NKAIN2: variants seen among roughly 807,000 people sequenced by gnomAD.
The protein encoded by NKAIN2 is sodium/potassium transporting ATPase interacting 2.
In NKAIN2, 14 loss-of-function variants were observed where a neutral mutation model predicts 32.6. The ratio of observed to expected loss-of-function variants is 0.43; its 90% CI spans 0.28 to 0.67. NKAIN2 has a LOEUF of 0.67. Ranked by LOEUF, NKAIN2 falls within the 30% of genes least tolerant of loss-of-function variation. NKAIN2 has a pLI of 0.17. For missense variants in NKAIN2, 198 were observed against 258.3 expected, an observed-to-expected ratio of 0.77 and a Z score of 1.60; for synonymous variants, 80 against 87.2, an observed-to-expected ratio of 0.92 and a Z score of 0.46.
At chr6:124,547,525 T>C (rs960132828) in intron 3 of NKAIN2, among the ~76,000 whole-genome samples, 1 of 152,166 alleles carries the variant, frequency 6.6e-6, no homozygotes, top group Non-Finnish European at 1.5e-5. Context: ...TACAAAACAA[T>C]TATCCTTTAC....
Position 124,332,230 on chromosome 6 carries a change from C to T in NKAIN2, c.193-23037C>T, listed in dbSNP as rs1014698471. Among the ~76,000 whole-genome samples, 235 of 149,750 alleles carry T rather than the reference C, an allele frequency of 1.6e-3. 2 individuals are homozygous for T. Among genetic ancestry groups the T allele is most frequent in the Non-Finnish European group, 1.9e-3 (127 of 67,414 alleles). On this transcript the variant is annotated intron_variant, in intron 2 of 6. Transcript: ENST00000368417. ...ATATATATGTGTGTGTGTGTATATACACACACACACACACACAGAGAGAGA... is the reference window on the plus strand; with the variant it reads ...ATATATATGTGTGTGTGTGTATATATACACACACACACACACAGAGAGAGA...
chr6:124,034,871 G>T (rs934676117), intron 1 of NKAIN2, among the ~76,000 whole-genome samples: 1 of 151,970 alleles, frequency 6.6e-6, no homozygotes, highest in Non-Finnish European at 1.5e-5. Flanking sequence ...CTGAAGATTA[G>T]TGATGTTGAG....
intron 3 of NKAIN2, among the ~76,000 whole-genome samples, chr6:124,546,528 ATAT>A (rs1454360558): frequency 6.6e-6 from 1 of 151,750 alleles, no homozygotes; most frequent in Non-Finnish European, 1.5e-5. Context: ...ATAAGATATA[ATAT>A]TATCTATTAA....
chr6:124,768,393 C>CTGT (rs1205987497), intron 4 of NKAIN2, among the ~76,000 whole-genome samples: 1 of 152,168 alleles, frequency 6.6e-6, no homozygotes, highest in African/African-American at 2.4e-5. Flanking sequence ...GAACAGCCAT[C>CTGT]TCAGCTAAGT....
chr6:123,966,622 A>C (rs116114685), intron 1 of NKAIN2, among the ~76,000 whole-genome samples: 116 of 152,326 alleles, frequency 7.6e-4, no homozygotes, highest in African/African-American at 2.7e-3. Flanking sequence ...TTTTGTTAAG[A>C]AGTGGTAGGA....
chr6:124,189,706 G>A (rs1279434711), intron 1 of NKAIN2, among the ~76,000 whole-genome samples: 3 of 152,006 alleles, frequency 2.0e-5, no homozygotes, highest in African/African-American at 7.2e-5. Flanking sequence ...AAAATAAAAA[G>A]CAAAACACTT....
At chr6:124,680,945 TA>T (rs1311172286) in intron 4 of NKAIN2, among the ~76,000 whole-genome samples, 1 of 151,964 alleles carries the variant, frequency 6.6e-6, no homozygotes, top group South Asian at 2.1e-4. Flanking sequence ...AATATATAAA[TA>T]AAAAATAATC....
intron 3 of NKAIN2, among the ~76,000 whole-genome samples, chr6:124,503,078 A>G (rs148880060): frequency 6.6e-6 from 1 of 152,260 alleles, no homozygotes; most frequent in East Asian, 1.9e-4. Context: ...TTTGTATCCA[A>G]GAAAATAGTA....
intron 1 of NKAIN2, among the ~76,000 whole-genome samples, chr6:123,972,883 T>C (rs1401886377): frequency 6.6e-6 from 1 of 152,150 alleles, no homozygotes; most frequent in Non-Finnish European, 1.5e-5. Flanking sequence ...TGCTGGAATA[T>C]ACATACTGTG....
At chr6:124,692,565 G>T (rs532359514) in intron 4 of NKAIN2, among the ~76,000 whole-genome samples, 1 of 151,932 alleles carries the variant, frequency 6.6e-6, no homozygotes, top group Non-Finnish European at 1.5e-5. Flanking sequence ...ACCTGTAATC[G>T]CAGCACTTTG....
chr6:124,369,361 T>C (rs1268864602), intron 3 of NKAIN2, among the ~76,000 whole-genome samples: 1 of 152,196 alleles, frequency 6.6e-6, no homozygotes, highest in Non-Finnish European at 1.5e-5. Context: ...TGGACACCAC[T>C]GTAATTTTCT....
chr6:123,931,020 C>G (rs235699), intron 1 of NKAIN2, among the ~76,000 whole-genome samples: 113,923 of 151,912 alleles, frequency 0.75, 43,523 homozygotes, highest in East Asian at 0.91. Flanking sequence ...GCGATGAAGG[C>G]GGGGCAGGTG....
At chr6:124,707,095 G>GT in intron 4 of NKAIN2, among the ~76,000 whole-genome samples, 1 of 150,232 alleles carries the variant, frequency 6.7e-6, no homozygotes, top group South Asian at 2.1e-4. Context: ...GCGGTGTTTG[G>GT]TTTTTTGTTC....
intron 1 of NKAIN2, among the ~76,000 whole-genome samples, chr6:123,808,431 A>G (rs1773314104): frequency 6.6e-6 from 1 of 152,154 alleles, no homozygotes; most frequent in Non-Finnish European, 1.5e-5. Context: ...CTTCTTTTTA[A>G]ATGTTTTCTA....
At chr6:124,816,652 G>C (rs560112755) in intron 5 of NKAIN2, among the ~76,000 whole-genome samples, 1 of 152,064 alleles carries the variant, frequency 6.6e-6, no homozygotes, top group Non-Finnish European at 1.5e-5. Context: ...CAGACATCAC[G>C]GACTTTATGT....
chr6:123,804,626 T>C (rs907641630), intron 1 of NKAIN2, among the ~76,000 whole-genome samples: 1 of 152,222 alleles, frequency 6.6e-6, no homozygotes, highest in East Asian at 1.9e-4. Context: ...GAATACGGAA[T>C]TTTGGACTTT....
intron 3 of NKAIN2, among the ~76,000 whole-genome samples, chr6:124,452,147 A>T (rs1776133714): frequency 6.6e-6 from 1 of 151,632 alleles, no homozygotes. Context: ...GTGAGCAAAG[A>T]TCATGCCACT....
At chr6:123,837,050 A>AT (rs1005999826) in intron 1 of NKAIN2, among the ~76,000 whole-genome samples, 13 of 152,154 alleles carry the variant, frequency 8.5e-5, no homozygotes, top group Non-Finnish European at 1.5e-4. Context: ...AAAGTAGCAT[A>AT]TGCTCATTAT....
At chr6:123,863,309 A>G (rs931704784) in intron 1 of NKAIN2, among the ~76,000 whole-genome samples, 3 of 152,244 alleles carry the variant, frequency 2.0e-5, no homozygotes, top group Non-Finnish European at 2.9e-5. Context: ...AATTAGGTTT[A>G]TAGATAACTG....
Sources: gnomAD v4.1 joint callset for allele counts (sites outside exome capture counted in the v4.1 genomes callset) on GRCh38, gnomAD v4.1.1 for gene constraint, MANE v1.5 for transcripts, NCBI Gene and HGNC (gene_info 2026-07-23, HGNC 2026-07-21) for gene names.